LSAMP: variants seen among roughly 807,000 people sequenced by gnomAD.
The protein encoded by LSAMP is limbic system associated membrane protein, also known as limbic system-associated membrane protein.
A neutral mutation model predicts 38.6 loss-of-function variants in LSAMP; 7 were observed. The observed-to-expected ratio is 0.18, with a 90% CI of 0.10 to 0.34. The LOEUF (loss-of-function observed/expected upper bound fraction) is 0.34. LSAMP is among the 10% of genes least tolerant of loss of function. The probability of loss-of-function intolerance (pLI) is 1.00; values close to 1 mark genes in which losing one functional copy is unlikely to be tolerated. For missense variants in LSAMP, 313 were observed against 420.0 expected (o/e 0.75, Z 2.23); for synonymous variants, 154 against 166.8 (o/e 0.92, Z 0.59).
At chr3:116,001,211 A>C (rs1399978162) in intron 3 of LSAMP, among the ~76,000 whole-genome samples, 3 of 152,202 alleles carry the variant, frequency 2.0e-5, no homozygotes, top group East Asian at 1.9e-4. Context: ...AAAGAAAAAA[A>C]CAGAAAAGCT....
At chr3:115,862,398 C>T (rs1935731664) in intron 3 of LSAMP, among the ~76,000 whole-genome samples, 1 of 152,172 alleles carries the variant, frequency 6.6e-6, no homozygotes, top group Non-Finnish European at 1.5e-5. Flanking sequence ...GTAATTAAAA[C>T]AAAGCAGACA....
chr3:115,844,444 C>T (rs1935093226), intron 4 of LSAMP, among the ~76,000 whole-genome samples: 1 of 151,990 alleles, frequency 6.6e-6, no homozygotes, highest in Admixed American at 6.6e-5. Context: ...AAGCTAGCTT[C>T]TAAAATTGGT....
intron 1 of LSAMP, among the ~76,000 whole-genome samples, chr3:116,108,464 G>A (rs1262888006): frequency 6.6e-6 from 1 of 152,028 alleles, no homozygotes; most frequent in East Asian, 1.9e-4. Flanking sequence ...ATGTGGAGTG[G>A]GTAGCCTCCA....
chr3:116,136,255 C>G (rs9850324), intron 1 of LSAMP, among the ~76,000 whole-genome samples: 1 of 152,096 alleles, frequency 6.6e-6, no homozygotes, highest in Non-Finnish European at 1.5e-5. Context: ...TCAGTCAGAC[C>G]GATAGCTACT....
intron 1 of LSAMP, among the ~76,000 whole-genome samples, chr3:116,350,707 A>G (rs937436085): frequency 5.3e-5 from 8 of 152,004 alleles, no homozygotes; most frequent in Non-Finnish European, 1.0e-4. Context: ...GAGAAGCCAT[A>G]AAGTGTTTCC....
intron 1 of LSAMP, among the ~76,000 whole-genome samples, chr3:116,139,886 G>C (rs1576388366): frequency 2.0e-5 from 3 of 152,024 alleles, no homozygotes; most frequent in South Asian, 4.1e-4. Flanking sequence ...TGGGGTTACA[G>C]TATCTTGTCT....
intron 1 of LSAMP, among the ~76,000 whole-genome samples, chr3:116,299,397 C>T (rs542414899): frequency 5.3e-5 from 8 of 152,334 alleles, no homozygotes; most frequent in South Asian, 2.1e-4. Flanking sequence ...CAGAACCACA[C>T]GAACATGGTC....
intron 1 of LSAMP, among the ~76,000 whole-genome samples, chr3:116,275,051 A>AAAATAAAT (rs151230549): frequency 7.2e-5 from 11 of 151,790 alleles, no homozygotes; most frequent in Admixed American, 2.6e-4. Flanking sequence ...AAAGGATTTA[A>AAAATAAAT]AAATAAATAA....
At chr3:116,134,834 C>T (rs1709212744) in intron 1 of LSAMP, among the ~76,000 whole-genome samples, 1 of 152,134 alleles carries the variant, frequency 6.6e-6, no homozygotes, top group South Asian at 2.1e-4. Context: ...TCCCCAGTGT[C>T]TCCCTCTAGG....
At position 116,207,858 on chromosome 3, in the gene LSAMP, T is replaced by C. The variant is rs571198345; in HGVS notation, c.156-121302A>G. Among the ~76,000 whole-genome samples, 1,486 of 152,194 alleles carry C rather than the reference T, an allele frequency of 9.8e-3. 16 individuals are homozygous for C. Among genetic ancestry groups the C allele is most frequent in the Middle Eastern group, 0.078 (23 of 294 alleles). Reference sequence around the variant, plus strand: ...TAACATTTTTTCATTTCAACTTTGGTGAATCTGACAATTATGTGTCTTGGA... The same window carrying C: ...TAACATTTTTTCATTTCAACTTTGGCGAATCTGACAATTATGTGTCTTGGA... On this transcript the variant is annotated intron_variant, in intron 1 of 6. Transcript: ENST00000490035.
At chr3:116,407,164 C>G (rs1321412280) in intron 1 of LSAMP, among the ~76,000 whole-genome samples, 2 of 152,110 alleles carry the variant, frequency 1.3e-5, no homozygotes, top group Admixed American at 6.6e-5. Context: ...AGTTCATAAT[C>G]CATTTATGTA....
chr3:116,292,322 C>T (rs1576487174), intron 1 of LSAMP, among the ~76,000 whole-genome samples: 2 of 152,128 alleles, frequency 1.3e-5, no homozygotes, highest in South Asian at 4.1e-4. Flanking sequence ...GAAGATGATT[C>T]CAGCCATAAC....
At chr3:115,877,470 T>C (rs9830559) in intron 3 of LSAMP, among the ~76,000 whole-genome samples, 63,051 of 151,972 alleles carry the variant, frequency 0.41, 13,183 homozygotes, top group South Asian at 0.52. Flanking sequence ...CTTTTTTCTT[T>C]TTCAAACATT....
At chr3:115,837,807 C>A (rs1236246223) in intron 6 of LSAMP, 2 of 152,184 alleles carry the variant, frequency 1.3e-5, no homozygotes, top group Non-Finnish European at 2.9e-5. Context: ...TCAAGCTCAG[C>A]CTTACTTAGT....
intron 1 of LSAMP, among the ~76,000 whole-genome samples, chr3:116,239,858 T>G: frequency 6.6e-6 from 1 of 152,188 alleles, no homozygotes; most frequent in East Asian, 1.9e-4. Context: ...TTTTTATTGT[T>G]GCTTAATCCT....
At chr3:116,184,060 TGAACTC>T (rs1361210766) in intron 1 of LSAMP, among the ~76,000 whole-genome samples, 2 of 151,838 alleles carry the variant, frequency 1.3e-5, no homozygotes, top group Non-Finnish European at 2.9e-5. Context: ...ATACGAAAGT[TGAACTC>T]GAGAGAACAG....
chr3:116,382,760 C>T (rs898808068), intron 1 of LSAMP, among the ~76,000 whole-genome samples: 10 of 151,980 alleles, frequency 6.6e-5, no homozygotes, highest in African/African-American at 2.2e-4. Context: ...TTAAAGTCCC[C>T]GAGTTTGTTA....
chr3:116,405,742 T>A (rs1411703718), intron 1 of LSAMP, among the ~76,000 whole-genome samples: 1 of 152,126 alleles, frequency 6.6e-6, no homozygotes, highest in African/African-American at 2.4e-5. Context: ...GATTAATTAT[T>A]TTTTGCAGAT....
At chr3:115,818,782 T>A (rs1934115421) in intron 6 of LSAMP, among the ~76,000 whole-genome samples, 3 of 41,646 alleles carry the variant, frequency 7.2e-5, no homozygotes, top group South Asian at 3.4e-3. Flanking sequence ...AGAAGGAAAG[T>A]TGTACTTTTA....
Sources: allele counts gnomAD v4.1 joint callset (sites outside exome capture counted in the v4.1 genomes callset), GRCh38; gene constraint gnomAD v4.1.1; transcripts MANE v1.5; gene names NCBI Gene and HGNC (gene_info 2026-07-23, HGNC 2026-07-21).